CSF2RA: variants seen among roughly 807,000 people sequenced by gnomAD.
CSF2RA encodes colony stimulating factor 2 receptor subunit alpha, also known as granulocyte-macrophage colony-stimulating factor receptor subunit alpha.
In CSF2RA, 42 loss-of-function variants were observed where a neutral mutation model predicts 51.6. The ratio of observed to expected loss-of-function variants is 0.81; its 90% CI spans 0.64 to 1.05. The LOEUF is 1.05. Among genes scored for constraint, CSF2RA ranks in the 50% least tolerant of loss-of-function variants. The pLI, the probability that CSF2RA is intolerant of heterozygous loss-of-function variation, is 0.00. For missense variants in CSF2RA, 530 were observed against 501.1 expected, an observed-to-expected ratio of 1.06 and a Z score of -0.55; for synonymous variants, 222 against 193.0, an observed-to-expected ratio of 1.15 and a Z score of -1.24.
At chrX:1,305,377 A>G in intron 11 of CSF2RA, 69 bp from the exon 12 acceptor site, 3 of 1,551,560 alleles carry the variant, frequency 1.9e-6, no homozygotes, top group South Asian at 1.1e-5. Flanking sequence ...CCCTCGGCAC[A>G]GGGCGTTGAT....
chrX:1,280,378 G>A (rs759950673), intron 2 of CSF2RA, among the ~76,000 whole-genome samples: 2 of 151,568 alleles, frequency 1.3e-5, no homozygotes, highest in African/African-American at 4.8e-5. Context: ...GGCCGAGGCA[G>A]GAGAATCGCT....
downstream of CSF2RA, among the ~76,000 whole-genome samples, chrX:1,313,597 A>C (rs1211587170): frequency 6.6e-6 from 1 of 150,618 alleles, no homozygotes; most frequent in African/African-American, 2.4e-5. Context: ...CTATAATCCC[A>C]GCTACTTGGG....
chrX:1,293,521 CT>C lies in CSF2RA; in HGVS notation c.647-806del, dbSNP rs375170088. ...GGCGTGAGCCACCGCGCCCAGCCCC[CT>C]GATCTCTCTTTCTTTTCCCTACACA... On this transcript the variant is annotated intron_variant, in intron 7 of 12. Transcript: ENST00000381529. 4.9e-3 allele frequency among the ~76,000 whole-genome samples: 739 copies of C among 152,244 alleles called. 10 individuals carry two copies. Among genetic ancestry groups the C allele is most frequent in the African/African-American group, 0.016 (683 of 41,534 alleles).
intron 7 of CSF2RA, among the ~76,000 whole-genome samples, chrX:1,292,928 A>G (rs1396663200): frequency 6.6e-6 from 1 of 152,100 alleles, no homozygotes; most frequent in African/African-American, 2.4e-5. Context: ...GGGAACCCTC[A>G]GACAATACCC....
intron 11 of CSF2RA, 136 bp from the exon 12 acceptor site, chrX:1,305,310 T>G: frequency 3.0e-6 from 3 of 1,001,876 alleles, no homozygotes; most frequent in Non-Finnish European, 4.7e-6. Context: ...TTTTCGTCAC[T>G]TGGTGATTCT....
intron 2 of CSF2RA, among the ~76,000 whole-genome samples, chrX:1,281,357 TCTC>T (rs1873462157): frequency 2.7e-5 from 1 of 37,014 alleles, no homozygotes; most frequent in Non-Finnish European, 5.2e-5. Context: ...TCTTCCTCCT[TCTC>T]CTCCTCCTCC....
In CSF2RA at chrX:1,304,002, C is replaced by T. The variant is rs147163987; in HGVS notation, c.1026C>T (p.Leu342=). 91 of 1,612,736 alleles carry T rather than the reference C, an allele frequency of 5.6e-5. No homozygotes were observed. Among genetic ancestry groups the T allele is most frequent in the Middle Eastern group, 4.9e-4 (3 of 6,074 alleles). The change falls in exon 11 of 13, where the codon CTC becomes CTT. Residue 342 remains leucine, a synonymous_variant. Transcript: ENST00000381529. ...GAACCCTTGTCTGTGGCATCGTCCT[C>T]GGCTTCCTCTTTAAAAGGTAACCTG... ...IVGTLVCGIV[L]GFLFKRFLRI...
At chrX:1,310,630 C>T (rs556586434), downstream of CSF2RA, among the ~76,000 whole-genome samples, 69 of 148,438 alleles carry the variant, frequency 4.6e-4, no homozygotes, top group Admixed American at 2.8e-3. Flanking sequence ...ATCACAACAC[C>T]GCACTCCAGC....
rs746803392 is a variant in CSF2RA, at chrX:1,305,623, A to G, written c.1125+96A>G. The stretch of plus-strand genomic sequence containing the variant: ...TGGGTGTCGACCATCTTGCTTCTCC[A>G]CCAGATGGGACCGCAGCGTCACCAC... On this transcript the variant is annotated intron_variant, in intron 12 of 12. Coordinates refer to ENST00000381529, the MANE Select transcript of CSF2RA (RefSeq NM_172245.4). The G allele has an allele frequency of 1.1e-5, 18 of 1,613,482 alleles. No homozygotes were observed. The African/African-American group carries it at 2.0e-4, about 18-fold the overall frequency.
Position 1,290,362 on chromosome X carries a change from T to C in CSF2RA, c.499T>C (p.Tyr167His). Reference protein sequence around the residue: ...SKRRREIRCPYYIQDSGTHVG... With the variant: ...SKRRREIRCPHYIQDSGTHVG... ...GAGAAGGAGGGAGATCCGGTGTCCT[T>C]ATTACATACAAGACTCAGGAACCCA... The change falls in exon 7 of 13, where the codon TAT becomes CAT. Residue 167 changes from tyrosine to histidine, a missense_variant. By Grantham distance (83) the Tyr-to-His change is moderately conservative. Coordinates refer to ENST00000381529, the MANE Select transcript of CSF2RA (RefSeq NM_172245.4). 1 of 1,613,698 alleles carries C rather than the reference T, an allele frequency of 6.2e-7. No individual in the cohort carries two copies. Among genetic ancestry groups the C allele is most frequent in the South Asian group, 1.1e-5 (1 of 91,072 alleles).
downstream of CSF2RA, among the ~76,000 whole-genome samples, chrX:1,311,687 C>G (rs1158573285): frequency 6.6e-6 from 1 of 152,136 alleles, no homozygotes; most frequent in Non-Finnish European, 1.5e-5. Context: ...GTGATCCGCC[C>G]CCCTTGGCGT....
the CSF2RA span, among the ~76,000 whole-genome samples, chrX:1,323,073 G>C: frequency 6.6e-6 from 1 of 151,674 alleles, no homozygotes; most frequent in Non-Finnish European, 1.5e-5. Flanking sequence ...AGGTTGCAGT[G>C]AGCCGAGATC....
At chrX:1,318,895 T>A in the CSF2RA span, among the ~76,000 whole-genome samples, 5 of 144,548 alleles carry the variant, frequency 3.5e-5, no homozygotes, top group Non-Finnish European at 7.5e-5. Flanking sequence ...CCAGCCTGGG[T>A]TACAGAGCAA....
At chrX:1,319,263 T>C in the CSF2RA span, among the ~76,000 whole-genome samples, 1 of 149,886 alleles carries the variant, frequency 6.7e-6, no homozygotes, top group East Asian at 2.0e-4. Context: ...CCCAAAGTGC[T>C]GGGATTGTAG....
the CSF2RA span, among the ~76,000 whole-genome samples, chrX:1,317,590 C>T: frequency 1.4e-5 from 2 of 142,960 alleles, no homozygotes; most frequent in African/African-American, 5.2e-5. Flanking sequence ...TTTTTTGAGA[C>T]GGAGTCTTGC....
At chrX:1,302,563 G>C (rs2083100096) in intron 10 of CSF2RA, among the ~76,000 whole-genome samples, 1 of 152,118 alleles carries the variant, frequency 6.6e-6, no homozygotes, top group Non-Finnish European at 1.5e-5. Flanking sequence ...GGAGTGCAAT[G>C]GCACGATCTC....
the CSF2RA span, among the ~76,000 whole-genome samples, chrX:1,321,686 C>T: frequency 6.6e-6 from 1 of 152,036 alleles, no homozygotes; most frequent in Non-Finnish European, 1.5e-5. Flanking sequence ...TGGAGCTAAA[C>T]GGACTGCAAA....
intron 1 of CSF2RA, among the ~76,000 whole-genome samples, chrX:1,272,513 C>A (rs1487280219): frequency 1.3e-5 from 2 of 151,442 alleles, no homozygotes; most frequent in Admixed American, 1.3e-4. Flanking sequence ...TTTGAGACAG[C>A]ATCTCACTCT....
intron 10 of CSF2RA, among the ~76,000 whole-genome samples, chrX:1,301,772 A>AT (rs1158963938): frequency 1.5e-3 from 191 of 128,622 alleles, no homozygotes; most frequent in East Asian, 5.3e-3. Flanking sequence ...AATTTTTTGT[A>AT]TTTTTTTTTT....
Sources: gnomAD v4.1 joint callset for allele counts (sites outside exome capture counted in the v4.1 genomes callset) on GRCh38, gnomAD v4.1.1 for gene constraint, MANE v1.5 for transcripts, NCBI Gene and HGNC (gene_info 2026-07-23, HGNC 2026-07-21) for gene names.